WDPCP: variants seen among roughly 807,000 people sequenced by gnomAD.
WDPCP encodes WD repeat-containing and planar cell polarity effector protein fritz homolog.
WDPCP carries 71 observed loss-of-function variants against 93.1 expected under a neutral mutation model. The ratio of observed to expected loss-of-function variants is 0.76; its 90% CI spans 0.63 to 0.93. WDPCP has a LOEUF of 0.93. Among genes scored for constraint, WDPCP ranks in the 40% least tolerant of loss-of-function variants. The pLI is 0.00. For synonymous variants in WDPCP, 315 were observed against 315.0 expected, an observed-to-expected ratio of 1.00 and a Z score of 0.00; for missense variants, 844 against 887.4, an observed-to-expected ratio of 0.95 and a Z score of 0.62.
chr2:63,189,200 G>T (rs531993145), intron 14 of WDPCP, among the ~76,000 whole-genome samples: 46 of 152,264 alleles, frequency 3.0e-4, no homozygotes, highest in Non-Finnish European at 3.8e-4. Flanking sequence ...GTTTTCAGTG[G>T]CCTCTAATCT....
rs528663552 is a variant in WDPCP at position 63,210,505 on chromosome 2, C to G, written c.1916-35673G>C. Among the ~76,000 whole-genome samples, 8 of 152,158 alleles carry G rather than the reference C, an allele frequency of 5.3e-5. No individual in the cohort carries two copies. In the East Asian group the frequency reaches 9.7e-4, roughly 18 times the overall value. ...CCAAGATGGCGGGATAGGAACAGCT[C>G]CAGTCTACATTTCCCACCGTGAGTG... On this transcript the variant is annotated intron_variant, in intron 14 of 17. Coordinates refer to ENST00000272321, the MANE Select transcript of WDPCP (RefSeq NM_015910.7).
chr2:63,194,895 A>C (rs943645288), intron 14 of WDPCP, among the ~76,000 whole-genome samples: 1 of 152,206 alleles, frequency 6.6e-6, no homozygotes, highest in Admixed American at 6.5e-5. Context: ...AATCAATATC[A>C]GGAATCACAA....
chr2:63,744,202 C>T (rs745609147), intron 2 of WDPCP, among the ~76,000 whole-genome samples: 1 of 152,094 alleles, frequency 6.6e-6, no homozygotes, highest in African/African-American at 2.4e-5. Flanking sequence ...GCAGAATATT[C>T]ATACTTTACA....
At position 63,294,508 on chromosome 2, in the gene WDPCP, GAAAA is replaced by G. The variant is rs59228476; in HGVS notation, c.1812+18736_1812+18739del. On this transcript the variant is annotated intron_variant, in intron 13 of 17. Coordinates refer to ENST00000272321, the MANE Select transcript of WDPCP (RefSeq NM_015910.7). The stretch of plus-strand genomic sequence containing the variant: ...CTGGGTGATAGAACAAGACTGTTTC[GAAAA>G]AAAAAAAAAAAAAAAAAAAGTGCTG... Among the ~76,000 whole-genome samples the G allele has an allele frequency of 2.6e-3, 125 of 48,322 alleles. 1 individual carries two copies. The highest frequency in any genetic ancestry group is 9.5e-3 in the African/African-American group (107 of 11,214). 31.7% of individuals were successfully genotyped at this position (48,322 alleles called of 152,430 possible).
chr2:63,714,882 C>T (rs1669312653), intron 2 of WDPCP, among the ~76,000 whole-genome samples: 1 of 152,066 alleles, frequency 6.6e-6, no homozygotes, highest in Admixed American at 6.6e-5. Context: ...TTCATAGCAG[C>T]ACATTCACAA....
chr2:63,293,446 A>G (rs887299181), intron 13 of WDPCP, among the ~76,000 whole-genome samples: 1 of 152,186 alleles, frequency 6.6e-6, no homozygotes, highest in Non-Finnish European at 1.5e-5. Flanking sequence ...CCATGTTATT[A>G]GATTCCAATG....
intron 2 of WDPCP, among the ~76,000 whole-genome samples, chr2:63,789,617 G>C (rs1443742501): frequency 6.6e-6 from 1 of 152,170 alleles, no homozygotes; most frequent in Non-Finnish European, 1.5e-5. Context: ...CAAAGGCAGA[G>C]AAAATGAGGC....
intron 14 of WDPCP, among the ~76,000 whole-genome samples, chr2:63,218,677 GC>G (rs1480883307): frequency 1.2e-4 from 18 of 151,996 alleles, no homozygotes; most frequent in African/African-American, 3.1e-4. Context: ...CTAAAGGCGT[GC>G]GACACTACGC....
At chr2:63,598,510 A>G (rs1387995612) in intron 3 of WDPCP, among the ~76,000 whole-genome samples, 6 of 152,222 alleles carry the variant, frequency 3.9e-5, no homozygotes, top group Non-Finnish European at 7.3e-5. Context: ...TAAAGGTTTA[A>G]CTGATTTCCA....
At chr2:63,671,907 C>T (rs1031352852) in intron 2 of WDPCP, among the ~76,000 whole-genome samples, 1 of 152,108 alleles carries the variant, frequency 6.6e-6, no homozygotes, top group African/African-American at 2.4e-5. Context: ...GGTGACCTGG[C>T]TAGTCACTCC....
At chr2:63,572,460 T>C (rs1231685527) in intron 1 of WDPCP, among the ~76,000 whole-genome samples, 1 of 151,930 alleles carries the variant, frequency 6.6e-6, no homozygotes, top group Non-Finnish European at 1.5e-5. Context: ...CCCAGGACTT[T>C]GGGAGGCCAA....
chr2:63,713,007 T>C (rs1453511764), intron 2 of WDPCP, among the ~76,000 whole-genome samples: 1 of 152,204 alleles, frequency 6.6e-6, no homozygotes, highest in East Asian at 1.9e-4. Flanking sequence ...TAAGGATTCA[T>C]TCTCTGGCAA....
chr2:63,666,044 T>C (rs1487784457), intron 2 of WDPCP, among the ~76,000 whole-genome samples: 2 of 152,244 alleles, frequency 1.3e-5, no homozygotes, highest in African/African-American at 4.8e-5. Context: ...TGATTGTTAC[T>C]CTGAGGAATT....
intron 14 of WDPCP, among the ~76,000 whole-genome samples, chr2:63,215,728 A>C (rs1014723186): frequency 3.3e-5 from 5 of 152,216 alleles, no homozygotes; most frequent in Admixed American, 2.0e-4. Flanking sequence ...ATTAAACTAA[A>C]GAGCTTCTGC....
At chr2:63,578,347 G>A (rs369395331) in intron 1 of WDPCP, among the ~76,000 whole-genome samples, 38 of 152,268 alleles carry the variant, frequency 2.5e-4, no homozygotes, top group African/African-American at 7.0e-4. Context: ...TACAGACAGC[G>A]CACAGCTCTG....
At chr2:63,190,472 G>T (rs1674962590) in intron 14 of WDPCP, among the ~76,000 whole-genome samples, 1 of 148,966 alleles carries the variant, frequency 6.7e-6, no homozygotes, top group Non-Finnish European at 1.5e-5. Flanking sequence ...AAAGTTTTTA[G>T]AAGATGCTAA....
At chr2:63,427,206 G>T (rs1437243796) in intron 9 of WDPCP, among the ~76,000 whole-genome samples, 1 of 152,014 alleles carries the variant, frequency 6.6e-6, no homozygotes, top group Non-Finnish European at 1.5e-5. Flanking sequence ...ATGAAGTTCT[G>T]GACTAAATTG....
At chr2:63,476,154 C>T (rs2105853738) in intron 6 of WDPCP, among the ~76,000 whole-genome samples, 1 of 152,214 alleles carries the variant, frequency 6.6e-6, no homozygotes, top group Admixed American at 6.5e-5. Flanking sequence ...ACCCTACATC[C>T]CACTGCCAGG....
intron 1 of WDPCP, among the ~76,000 whole-genome samples, chr2:63,552,774 T>G (rs1442378312): frequency 1.3e-5 from 2 of 152,132 alleles, no homozygotes; most frequent in Admixed American, 6.5e-5. Flanking sequence ...GGACCAGCAG[T>G]GATTAGAAAC....
Sources: gnomAD v4.1 joint callset for allele counts (sites outside exome capture counted in the v4.1 genomes callset) on GRCh38, gnomAD v4.1.1 for gene constraint, MANE v1.5 for transcripts, NCBI Gene and HGNC (gene_info 2026-07-23, HGNC 2026-07-21) for gene names.